The following PTPRD variants were observed in gnomAD, a reference collection of about 807,000 sequenced individuals.
PTPRD encodes receptor-type tyrosine-protein phosphatase delta.
A neutral mutation model predicts 214.5 loss-of-function variants in PTPRD; 34 were observed. That is an observed-to-expected ratio of 0.16 (90% CI 0.12 to 0.21). PTPRD has a LOEUF of 0.21. PTPRD is among the 10% of genes least tolerant of loss of function. PTPRD has a pLI of 1.00. For missense variants in PTPRD, 2,545 were observed against 2,398.7 expected, an observed-to-expected ratio of 1.06 and a Z score of -1.27; for synonymous variants, 1,128 against 845.7, an observed-to-expected ratio of 1.33 and a Z score of -5.79.
At chr9:9,756,565 G>C (rs1037713749) in intron 6 of PTPRD, among the ~76,000 whole-genome samples, 1 of 152,056 alleles carries the variant, frequency 6.6e-6, no homozygotes, top group African/African-American at 2.4e-5. Context: ...GAGCAGATAG[G>C]GGGTGGGGGT....
chr9:8,911,337 G>A (rs2098745684), intron 11 of PTPRD, among the ~76,000 whole-genome samples: 1 of 151,996 alleles, frequency 6.6e-6, no homozygotes, highest in Non-Finnish European at 1.5e-5. Context: ...AGGCAATTCA[G>A]TTGGGAAAAG....
At chr9:10,104,217 G>C (rs1218100696) in intron 3 of PTPRD, among the ~76,000 whole-genome samples, 1 of 151,726 alleles carries the variant, frequency 6.6e-6, no homozygotes, top group East Asian at 1.9e-4. Flanking sequence ...TGTTTTACAA[G>C]ACAAAAAGAG....
intron 12 of PTPRD, among the ~76,000 whole-genome samples, chr9:8,724,777 A>C (rs983227181): frequency 6.6e-6 from 1 of 152,000 alleles, no homozygotes; most frequent in East Asian, 1.9e-4. Flanking sequence ...CTAAAAAAAA[A>C]AAATACAAAA....
chr9:9,954,111 C>G (rs1380997113), intron 4 of PTPRD, among the ~76,000 whole-genome samples: 1 of 151,556 alleles, frequency 6.6e-6, no homozygotes, highest in African/African-American at 2.4e-5. Flanking sequence ...GTGGGGCCAA[C>G]ATGATGAAAC....
At chr9:10,361,430 G>A (rs1191158824) in intron 2 of PTPRD, among the ~76,000 whole-genome samples, 2 of 152,144 alleles carry the variant, frequency 1.3e-5, no homozygotes, top group African/African-American at 4.8e-5. Flanking sequence ...GTAGACAAGG[G>A]TACAGGGGTA....
rs571785489 is a variant in PTPRD, at chr9:9,638,057, T to C, written c.-286-63276A>G. On this transcript the variant is annotated intron_variant, in intron 7 of 45. Transcript: ENST00000381196. Reference sequence around the variant, plus strand: ...ACCTCAAAGTTCTTCAAAATGTCTTTGGGGTCATTATCCCATTGTCTTGAT... The same window carrying C: ...ACCTCAAAGTTCTTCAAAATGTCTTCGGGGTCATTATCCCATTGTCTTGAT... Among the ~76,000 whole-genome samples the C allele has an allele frequency of 7.4e-4, 112 of 152,282 alleles. 1 individual carries two copies. The South Asian group carries it at 0.023, about 31-fold the overall frequency.
At chr9:8,384,552 A>G (rs1392255475) in intron 37 of PTPRD, among the ~76,000 whole-genome samples, 1 of 152,004 alleles carries the variant, frequency 6.6e-6, no homozygotes, top group Non-Finnish European at 1.5e-5. Context: ...TTTGAGATGG[A>G]GTTTCACTCT....
At chr9:9,075,836 G>C (rs905116703) in intron 10 of PTPRD, among the ~76,000 whole-genome samples, 1 of 152,114 alleles carries the variant, frequency 6.6e-6, no homozygotes, top group African/African-American at 2.4e-5. Flanking sequence ...TTCTTTCCAA[G>C]TCTTTGCTAT....
intron 2 of PTPRD, among the ~76,000 whole-genome samples, chr9:10,397,809 T>C (rs1011922992): frequency 1.3e-5 from 2 of 151,912 alleles, no homozygotes; most frequent in Non-Finnish European, 2.9e-5. Context: ...AAATGGATTA[T>C]AGGCTATACC....
chr9:9,542,136 C>T (rs566084066), intron 8 of PTPRD, among the ~76,000 whole-genome samples: 6 of 151,176 alleles, frequency 4.0e-5, no homozygotes, highest in Non-Finnish European at 5.9e-5. Flanking sequence ...CAGAAAAAAA[C>T]GAAAAAAGAG....
chr9:8,468,037 T>G (rs541829436), intron 31 of PTPRD, among the ~76,000 whole-genome samples: 1 of 152,158 alleles, frequency 6.6e-6, no homozygotes, highest in East Asian at 1.9e-4. Context: ...ATGTAGTTAA[T>G]AGTCGCAATT....
intron 14 of PTPRD, among the ~76,000 whole-genome samples, chr9:8,587,038 T>G (rs1478119355): frequency 2.0e-5 from 3 of 152,042 alleles, no homozygotes; most frequent in Admixed American, 6.6e-5. Context: ...TAGTCCCAGC[T>G]ACTCGGGAGG....
intron 14 of PTPRD, among the ~76,000 whole-genome samples, chr9:8,534,914 A>C (rs2076565256): frequency 1.3e-5 from 2 of 151,936 alleles, no homozygotes; most frequent in Non-Finnish European, 2.9e-5. Context: ...AGTTCTAAAA[A>C]CCTACCGGAT....
intron 10 of PTPRD, among the ~76,000 whole-genome samples, chr9:9,180,082 C>T (rs975184384): frequency 6.6e-6 from 1 of 151,944 alleles, no homozygotes; most frequent in Non-Finnish European, 1.5e-5. Context: ...GATGACCCAG[C>T]CATCCCATTA....
intron 3 of PTPRD, among the ~76,000 whole-genome samples, chr9:10,156,513 G>A (rs896635827): frequency 3.3e-5 from 5 of 152,036 alleles, no homozygotes; most frequent in Admixed American, 1.3e-4. Flanking sequence ...GTTGTTATGG[G>A]TTCATTTATT....
intron 2 of PTPRD, among the ~76,000 whole-genome samples, chr9:10,354,393 G>GAATC (rs1327499616): frequency 1.3e-5 from 2 of 152,124 alleles, no homozygotes; most frequent in Non-Finnish European, 1.5e-5. Context: ...AAGGCTAAGA[G>GAATC]AATCAATCAA....
chr9:8,671,551 G>GA (rs1467354974), intron 12 of PTPRD, among the ~76,000 whole-genome samples: 9 of 151,640 alleles, frequency 5.9e-5, no homozygotes, highest in East Asian at 5.8e-4. Context: ...AAGCAGTTTA[G>GA]AAAAAAAAGT....
chr9:9,233,087 A>C (rs2099964166), intron 9 of PTPRD, among the ~76,000 whole-genome samples: 1 of 152,156 alleles, frequency 6.6e-6, no homozygotes, highest in Non-Finnish European at 1.5e-5. Context: ...AGGCTGTATT[A>C]GTTTGTTCCC....
At chr9:10,109,948 C>G (rs1402902372) in intron 3 of PTPRD, among the ~76,000 whole-genome samples, 2 of 150,850 alleles carry the variant, frequency 1.3e-5, no homozygotes, top group African/African-American at 4.9e-5. Flanking sequence ...CTGATATATG[C>G]CAATGTTTTA....
Sources: allele counts gnomAD v4.1 joint callset (sites outside exome capture counted in the v4.1 genomes callset), GRCh38; gene constraint gnomAD v4.1.1; transcripts MANE v1.5; gene names NCBI Gene and HGNC (gene_info 2026-07-23, HGNC 2026-07-21).